Variants in ARMH4 observed in about 807,000 individuals in gnomAD.
The protein encoded by ARMH4 is armadillo-like helical domain-containing protein 4.
A neutral mutation model predicts 61.9 loss-of-function variants in ARMH4; 49 were observed. The ratio of observed to expected loss-of-function variants is 0.79; its 90% CI spans 0.63 to 1.00. ARMH4 has a LOEUF of 1.00. ARMH4 is among the 50% of genes least tolerant of loss of function. The pLI is 0.00. For missense variants in ARMH4, 934 were observed against 930.0 expected, an observed-to-expected ratio of 1.00 and a Z score of -0.06; for synonymous variants, 368 against 341.5, an observed-to-expected ratio of 1.08 and a Z score of -0.85.
chr14:58,138,747 A>G lies in ARMH4; in HGVS notation c.612T>C (p.His204=). 6.2e-7 allele frequency: 1 copy of G among 1,614,192 alleles called. No individual in the cohort carries two copies. Among genetic ancestry groups the G allele is most frequent in the Non-Finnish European group, 8.5e-7 (1 of 1,180,044 alleles). ...TAGTATTCACATAGGATGAAGGTGA[A>G]TGTCCCAAACCAACTCCTTCCTGAC... The part of the protein sequence containing the change: ...TESQEGVGLG[H]SPSSYVNTKE... Residue 204 remains histidine (H), a synonymous_variant, in exon 2 of 8, where the codon CAT becomes CAC. Coordinates refer to ENST00000267485, the MANE Select transcript of ARMH4 (RefSeq NM_001001872.4).
chr14:58,149,434 G>C (rs1467785357), intron 1 of ARMH4, among the ~76,000 whole-genome samples: 1 of 152,220 alleles, frequency 6.6e-6, no homozygotes, highest in Non-Finnish European at 1.5e-5. Flanking sequence ...TCCCCCAGGA[G>C]GAAAGCAGCC....
intron 4 of ARMH4, among the ~76,000 whole-genome samples, chr14:58,101,808 G>A (rs555246665): frequency 1.3e-5 from 2 of 152,274 alleles, no homozygotes; most frequent in African/African-American, 2.4e-5. Context: ...ACGGGGGAGA[G>A]GGTGTGGAGA....
intron 5 of ARMH4, among the ~76,000 whole-genome samples, chr14:58,023,806 G>A (rs1239583687): frequency 6.6e-6 from 1 of 152,146 alleles, no homozygotes; most frequent in African/African-American, 2.4e-5. Flanking sequence ...TGTATTAGTA[G>A]GCATAAAAAC....
intron 5 of ARMH4, among the ~76,000 whole-genome samples, chr14:58,041,915 A>G (rs1883721937): frequency 6.6e-6 from 1 of 152,180 alleles, no homozygotes; most frequent in Non-Finnish European, 1.5e-5. Flanking sequence ...ATATATATGC[A>G]CCCAATACAG....
chr14:58,052,871 C>T (rs1411543686), intron 5 of ARMH4, among the ~76,000 whole-genome samples: 1 of 152,032 alleles, frequency 6.6e-6, no homozygotes, highest in Non-Finnish European at 1.5e-5. Flanking sequence ...CTCGTGATTG[C>T]TCCCTCTCCC....
intron 5 of ARMH4, among the ~76,000 whole-genome samples, chr14:58,032,575 T>C (rs571938281): frequency 3.2e-4 from 49 of 152,302 alleles, no homozygotes; most frequent in African/African-American, 1.1e-3. Flanking sequence ...GGAACAGCTC[T>C]GGTCTACAGC....
chr14:58,048,398 G>A (rs768224379), intron 5 of ARMH4, among the ~76,000 whole-genome samples: 64 of 152,192 alleles, frequency 4.2e-4, no homozygotes, highest in Admixed American at 9.2e-4. Flanking sequence ...TTTAATGAAC[G>A]GCATTTGCTT....
intron 5 of ARMH4, among the ~76,000 whole-genome samples, chr14:58,041,550 A>C (rs917095356): frequency 4.6e-5 from 7 of 152,188 alleles, no homozygotes; most frequent in South Asian, 4.1e-4. Flanking sequence ...CAAGCAAAAT[A>C]ACCAGCTAAC....
chr14:58,089,788 AC>A (rs781267779), intron 5 of ARMH4, among the ~76,000 whole-genome samples: 2 of 152,184 alleles, frequency 1.3e-5, no homozygotes, highest in Non-Finnish European at 2.9e-5. Flanking sequence ...TTGAAGTCAC[AC>A]CTCAAATGAG....
At chr14:58,074,174 G>A (rs1305582209) in intron 5 of ARMH4, among the ~76,000 whole-genome samples, 1 of 152,152 alleles carries the variant, frequency 6.6e-6, no homozygotes, top group African/African-American at 2.4e-5. Context: ...AACTCATGGG[G>A]ACAACCTCAT....
At chr14:58,134,560 T>C (rs1887239971) in intron 2 of ARMH4, among the ~76,000 whole-genome samples, 1 of 152,218 alleles carries the variant, frequency 6.6e-6, no homozygotes, top group Non-Finnish European at 1.5e-5. Context: ...ATTGTCTTTT[T>C]TAAAATATTA....
intron 5 of ARMH4, among the ~76,000 whole-genome samples, chr14:58,048,981 T>C (rs547085644): frequency 1.6e-4 from 25 of 152,280 alleles, no homozygotes; most frequent in African/African-American, 4.8e-4. Flanking sequence ...CTCATGCCTG[T>C]AATCCCAGCA....
At chr14:58,009,023 C>G (rs1024838870) in intron 6 of ARMH4, among the ~76,000 whole-genome samples, 1 of 152,186 alleles carries the variant, frequency 6.6e-6, no homozygotes, top group Non-Finnish European at 1.5e-5. Context: ...GGATCACCAA[C>G]TTGGATTAGC....
At chr14:58,117,364 C>A (rs900779626) in intron 4 of ARMH4, among the ~76,000 whole-genome samples, 3 of 152,174 alleles carry the variant, frequency 2.0e-5, no homozygotes, top group Admixed American at 6.5e-5. Context: ...TAAAAATCCA[C>A]ATATACTCAA....
chr14:58,032,329 G>T (rs1883274510), intron 5 of ARMH4, among the ~76,000 whole-genome samples: 1 of 152,144 alleles, frequency 6.6e-6, no homozygotes, highest in African/African-American at 2.4e-5. Context: ...TATATTAGGA[G>T]CCCAATGAAG....
chr14:58,114,936 T>C (rs1277646559), intron 4 of ARMH4, among the ~76,000 whole-genome samples: 1 of 152,026 alleles, frequency 6.6e-6, no homozygotes, highest in Non-Finnish European at 1.5e-5. Flanking sequence ...TGTACAAAAA[T>C]TAACTCAAGA....
chr14:58,055,262 A>C (rs1027282772), intron 5 of ARMH4, among the ~76,000 whole-genome samples: 1 of 152,236 alleles, frequency 6.6e-6, no homozygotes, highest in African/African-American at 2.4e-5. Context: ...ATTAATTCTG[A>C]GACAGAAAGC....
intron 5 of ARMH4, among the ~76,000 whole-genome samples, chr14:58,041,570 A>T (rs1000474928): frequency 6.6e-6 from 1 of 152,190 alleles, no homozygotes; most frequent in Non-Finnish European, 1.5e-5. Context: ...CATCATAATG[A>T]CAGGATCAAA....
rs373460010 is a variant in ARMH4 at position 58,022,991 on chromosome 14, TA to T, written c.2090-10842del. Among the ~76,000 whole-genome samples the T allele has an allele frequency of 4.1e-4, 62 of 152,360 alleles. No homozygotes were observed. In the East Asian group the frequency reaches 8.9e-3, roughly 22 times the overall value. On this transcript the variant is annotated intron_variant, in intron 5 of 7. Transcript: ENST00000267485. The stretch of plus-strand genomic sequence containing the variant: ...TAAATAAACACATCCATACTTTAAC[TA>T]AAAATACTTTATTACCAAAAAATGC...
Sources: allele counts gnomAD v4.1 joint callset (sites outside exome capture counted in the v4.1 genomes callset), GRCh38; gene constraint gnomAD v4.1.1; transcripts MANE v1.5; gene names NCBI Gene and HGNC (gene_info 2026-07-23, HGNC 2026-07-21).